The following RPS6KA2 variants were observed in gnomAD, a reference collection of about 807,000 sequenced individuals.
The protein encoded by RPS6KA2 is ribosomal protein S6 kinase A2.
A neutral mutation model predicts 91.8 loss-of-function variants in RPS6KA2; 42 were observed. The observed-to-expected ratio is 0.46, with a 90% CI of 0.36 to 0.59. The LOEUF is 0.59. Ranked by LOEUF, RPS6KA2 falls within the 20% of genes least tolerant of loss-of-function variation. The pLI, the probability that RPS6KA2 is intolerant of heterozygous loss-of-function variation, is 0.00. For missense variants in RPS6KA2, 798 were observed against 978.5 expected, an observed-to-expected ratio of 0.82 and a Z score of 2.46; for synonymous variants, 414 against 393.6, an observed-to-expected ratio of 1.05 and a Z score of -0.61.
intron 1 of RPS6KA2, among the ~76,000 whole-genome samples, chr6:166,620,561 G>T (rs1172062267): frequency 6.6e-6 from 1 of 152,218 alleles, no homozygotes; most frequent in Non-Finnish European, 1.5e-5. Flanking sequence ...GGAAAAGCTA[G>T]TTTCATGGTG....
chr6:166,862,389 A>C (rs1312843035), exon 1 of RPS6KA2: 3 of 1,383,724 alleles, frequency 2.2e-6, no homozygotes, highest in Non-Finnish European at 2.8e-6. Flanking sequence ...GGGCTGCAAT[A>C]TGGCTGCTCG....
chr6:166,496,598 G>T (rs1194661547), intron 8 of RPS6KA2, among the ~76,000 whole-genome samples: 3 of 151,834 alleles, frequency 2.0e-5, no homozygotes, highest in African/African-American at 4.9e-5. Flanking sequence ...CTGGCCTCTT[G>T]TTCTTTTTAA....
At chr6:166,806,854 G>C (rs1779505151) in intron 2 of RPS6KA2, among the ~76,000 whole-genome samples, 1 of 152,138 alleles carries the variant, frequency 6.6e-6, no homozygotes, top group Admixed American at 6.5e-5. Flanking sequence ...GTGATTTTGT[G>C]AGTTCAACAA....
At chr6:166,659,072 C>G (rs1363521940) in intron 2 of RPS6KA2, among the ~76,000 whole-genome samples, 1 of 151,044 alleles carries the variant, frequency 6.6e-6, no homozygotes, top group South Asian at 2.1e-4. Flanking sequence ...AACACCCCCC[C>G]TTTTGTGGCG....
intron 2 of RPS6KA2, among the ~76,000 whole-genome samples, chr6:166,811,682 T>G (rs1779643472): frequency 6.6e-6 from 1 of 152,256 alleles, no homozygotes; most frequent in South Asian, 2.1e-4. Context: ...TCTTAATCTT[T>G]TGATCCAAGG....
At chr6:166,429,975 T>G (rs1325541518) in intron 16 of RPS6KA2, among the ~76,000 whole-genome samples, 1 of 151,640 alleles carries the variant, frequency 6.6e-6, no homozygotes, top group African/African-American at 2.4e-5. Flanking sequence ...TTTTTTTTTT[T>G]GAGATGGAGT....
intron 6 of RPS6KA2, among the ~76,000 whole-genome samples, chr6:166,504,225 C>T (rs895416859): frequency 5.9e-5 from 9 of 152,202 alleles, no homozygotes; most frequent in African/African-American, 1.7e-4. Context: ...TCCGGCTTCC[C>T]GTGCATCACA....
intron 2 of RPS6KA2, chr6:166,757,700 C>A (rs1353290812): frequency 2.3e-6 from 1 of 426,522 alleles, no homozygotes; most frequent in Non-Finnish European, 4.7e-6. Context: ...CAGGCAGCCA[C>A]CCCGCACACC....
intron 2 of RPS6KA2, among the ~76,000 whole-genome samples, chr6:166,797,503 T>G (rs187055487): frequency 2.8e-4 from 43 of 152,288 alleles, no homozygotes; most frequent in African/African-American, 9.1e-4. Flanking sequence ...ATATGTCATA[T>G]GTATCATATA....
intron 2 of RPS6KA2, among the ~76,000 whole-genome samples, chr6:166,647,964 A>G (rs1787690984): frequency 1.4e-5 from 2 of 140,872 alleles, no homozygotes; most frequent in South Asian, 2.4e-4. Context: ...ACATGCTTAC[A>G]TACATACACA....
At chr6:166,446,683 C>T (rs911648975) in intron 14 of RPS6KA2, among the ~76,000 whole-genome samples, 5 of 152,180 alleles carry the variant, frequency 3.3e-5, no homozygotes, top group African/African-American at 1.2e-4. Context: ...AACACACCAT[C>T]GCCTCGTCAC....
intron 20 of RPS6KA2, among the ~76,000 whole-genome samples, chr6:166,413,517 T>C (rs1189821188): frequency 1.3e-5 from 2 of 152,164 alleles, no homozygotes; most frequent in East Asian, 1.9e-4. Flanking sequence ...TTTTTTTGCA[T>C]GTGTGGCCTA....
chr6:166,809,190 CTATGTG>C (rs1779570262), intron 2 of RPS6KA2, among the ~76,000 whole-genome samples: 1 of 151,992 alleles, frequency 6.6e-6, no homozygotes, highest in Non-Finnish European at 1.5e-5. Context: ...CTTTGTAGCA[CTATGTG>C]TAGCAGGGGA....
chr6:166,617,047 G>A lies in RPS6KA2; in HGVS notation c.99+9874C>T, dbSNP rs540686823. Among the ~76,000 whole-genome samples the A allele has an allele frequency of 1.3e-3, 204 of 152,372 alleles. 1 individual carries two copies. Among genetic ancestry groups the A allele is most frequent in the African/African-American group, 4.8e-3 (198 of 41,596 alleles). ...GGCTCTGCCTGACAGAAGGTGCCGG[G>A]CGCCCGCTCCATCGTGGGCCGAAGG... is the stretch of plus-strand genomic sequence containing the variant. On this transcript the variant is annotated intron_variant, in intron 1 of 20. Transcript: ENST00000265678.
At chr6:166,769,843 G>C (rs1455308785) in intron 2 of RPS6KA2, among the ~76,000 whole-genome samples, 1 of 152,194 alleles carries the variant, frequency 6.6e-6, no homozygotes, top group African/African-American at 2.4e-5. Flanking sequence ...TCCTTGTGCA[G>C]TGCCCTCCCT....
In RPS6KA2 at chr6:166,626,106, CTT is replaced by C. The variant is rs1786863165; in HGVS notation, c.99+813_99+814del. ...AGCCTCAGTCTCCCCATCACCATGT[CTT>C]TTTCACTTAAACACGTTTCACTGTT... On this transcript the variant is annotated intron_variant, in intron 1 of 20. Coordinates refer to ENST00000265678, the MANE Select transcript of RPS6KA2 (RefSeq NM_021135.6). This position sits in a 1 kb window ranked among gnomAD's most constrained non-coding sequence, Gnocchi z 4.1. Among the ~76,000 whole-genome samples, 1 of 152,228 alleles carries C rather than the reference CTT, an allele frequency of 6.6e-6. No homozygotes were observed. Among genetic ancestry groups the C allele is most frequent in the South Asian group, 2.1e-4 (1 of 4,838 alleles).
chr6:166,524,003 G>A (rs1174010311), intron 3 of RPS6KA2, among the ~76,000 whole-genome samples: 1 of 152,118 alleles, frequency 6.6e-6, no homozygotes, highest in African/African-American at 2.4e-5. Context: ...AGGACAGAGG[G>A]GGCTTTGACA....
At chr6:166,654,439 C>T (rs1475768459) in intron 2 of RPS6KA2, among the ~76,000 whole-genome samples, 10 of 152,140 alleles carry the variant, frequency 6.6e-5, no homozygotes, top group Non-Finnish European at 1.5e-4. Flanking sequence ...TGAATTCTAG[C>T]AGATACTTCA....
intron 2 of RPS6KA2, among the ~76,000 whole-genome samples, chr6:166,679,287 C>G (rs1363269054): frequency 6.7e-6 from 1 of 148,900 alleles, no homozygotes; most frequent in East Asian, 2.0e-4. Flanking sequence ...AACCCCAACT[C>G]TCTTTAAAAA....
Sources: gnomAD v4.1 joint callset for allele counts (sites outside exome capture counted in the v4.1 genomes callset) on GRCh38, gnomAD v4.1.1 for gene constraint, Gnocchi (gnomAD v3.1) non-coding constraint, MANE v1.5 for transcripts, NCBI Gene and HGNC (gene_info 2026-07-23, HGNC 2026-07-21) for gene names.